The following RABGAP1L variants were observed in gnomAD, a reference collection of about 807,000 sequenced individuals.
The protein encoded by RABGAP1L is rab GTPase-activating protein 1-like.
A neutral mutation model predicts 137.7 loss-of-function variants in RABGAP1L; 63 were observed. That is an observed-to-expected ratio of 0.46 (90% CI 0.37 to 0.56). RABGAP1L has a LOEUF of 0.56. RABGAP1L is among the 20% of genes least tolerant of loss of function. The probability of loss-of-function intolerance (pLI) is 0.00; values close to 1 mark genes in which losing one functional copy is unlikely to be tolerated. For missense variants in RABGAP1L, 1,095 were observed against 1,244.0 expected (o/e 0.88, Z 1.80); for synonymous variants, 431 against 433.7 (o/e 0.99, Z 0.08).
chr1:174,633,012 A>G (rs1160482439), intron 13 of RABGAP1L, among the ~76,000 whole-genome samples: 1 of 152,076 alleles, frequency 6.6e-6, no homozygotes, highest in Non-Finnish European at 1.5e-5. Flanking sequence ...TTTTTTCCCC[A>G]TCTTTGGAAG....
At chr1:174,848,274 A>G (rs1242315658) in intron 19 of RABGAP1L, among the ~76,000 whole-genome samples, 3 of 89,770 alleles carry the variant, frequency 3.3e-5, no homozygotes, top group Non-Finnish European at 6.4e-5. Context: ...CTGGTGAGGA[A>G]CTGCGTTCCT....
At chr1:174,509,678 T>C (rs1470753198) in intron 13 of RABGAP1L, among the ~76,000 whole-genome samples, 6 of 152,192 alleles carry the variant, frequency 3.9e-5, no homozygotes, top group Non-Finnish European at 8.8e-5. Flanking sequence ...TCTCTTGGAC[T>C]CCAAAATTGT....
At chr1:174,590,114 C>A (rs989642794) in intron 13 of RABGAP1L, among the ~76,000 whole-genome samples, 28 of 110,154 alleles carry the variant, frequency 2.5e-4, no homozygotes, top group Non-Finnish European at 4.8e-4. Context: ...TTTGTGACCT[C>A]TTCAGTTTCT....
intron 13 of RABGAP1L, among the ~76,000 whole-genome samples, chr1:174,484,949 G>A (rs1324661005): frequency 6.6e-6 from 1 of 152,104 alleles, no homozygotes; most frequent in East Asian, 1.9e-4. Flanking sequence ...GTGTAATATG[G>A]ACATTTTAAC....
intron 19 of RABGAP1L, among the ~76,000 whole-genome samples, chr1:174,915,292 A>G (rs963167855): frequency 3.3e-5 from 5 of 152,200 alleles, no homozygotes; most frequent in Non-Finnish European, 5.9e-5. Context: ...CCCACCAGTT[A>G]TGTATAAGGA....
At chr1:174,715,715 A>G (rs1036233021) in intron 17 of RABGAP1L, among the ~76,000 whole-genome samples, 2 of 152,228 alleles carry the variant, frequency 1.3e-5, no homozygotes, top group African/African-American at 2.4e-5. Context: ...TCTTTTAAGA[A>G]ATCCTCATTA....
intron 19 of RABGAP1L, among the ~76,000 whole-genome samples, chr1:174,826,721 C>T (rs746315808): frequency 7.2e-5 from 11 of 152,216 alleles, no homozygotes; most frequent in Non-Finnish European, 1.2e-4. Context: ...AATCTCTAAT[C>T]TGTTCACCGC....
At chr1:174,481,827 A>G (rs1191918253) in intron 13 of RABGAP1L, among the ~76,000 whole-genome samples, 1 of 151,722 alleles carries the variant, frequency 6.6e-6, no homozygotes, top group Non-Finnish European at 1.5e-5. Flanking sequence ...ATACATATGT[A>G]ACTAACCTGC....
At chr1:174,527,981 T>A (rs1457896354) in intron 13 of RABGAP1L, among the ~76,000 whole-genome samples, 1 of 151,884 alleles carries the variant, frequency 6.6e-6, no homozygotes, top group Non-Finnish European at 1.5e-5. Context: ...TGCTTCCTTT[T>A]AGTTTCCATT....
intron 15 of RABGAP1L, among the ~76,000 whole-genome samples, chr1:174,686,648 CTTTTTTTTTTT>C (rs533716511): frequency 1.1e-4 from 12 of 105,840 alleles, no homozygotes; most frequent in East Asian, 3.5e-4. Context: ...ACAAAGCAAT[CTTTTTTTTTTT>C]TTTTTTTTTT....
At chr1:174,303,502 A>G (rs751835387) in intron 10 of RABGAP1L, among the ~76,000 whole-genome samples, 8 of 152,158 alleles carry the variant, frequency 5.3e-5, no homozygotes, top group Non-Finnish European at 1.0e-4. Flanking sequence ...AATGTGATGA[A>G]TCTTTGTAAT....
intron 19 of RABGAP1L, among the ~76,000 whole-genome samples, chr1:174,857,829 TAAAAG>T (rs1401640838): frequency 1.3e-5 from 2 of 152,152 alleles, no homozygotes; most frequent in African/African-American, 4.8e-5. Flanking sequence ...CTTCTCAAAA[TAAAAG>T]AAAGTTTTTC....
chr1:174,983,440 C>T (rs140227933), intron 24 of RABGAP1L, among the ~76,000 whole-genome samples: 1 of 152,104 alleles, frequency 6.6e-6, no homozygotes, highest in East Asian at 1.9e-4. Context: ...TATGTTGATG[C>T]TCTATTTGAA....
At chr1:174,778,424 C>T (rs1000943115) in intron 18 of RABGAP1L, among the ~76,000 whole-genome samples, 2 of 152,150 alleles carry the variant, frequency 1.3e-5, no homozygotes, top group Non-Finnish European at 2.9e-5. Flanking sequence ...AATAATACTT[C>T]ACAGAAATAT....
intron 19 of RABGAP1L, among the ~76,000 whole-genome samples, chr1:174,929,995 C>CT (rs1558245251): frequency 1.3e-5 from 2 of 149,548 alleles, no homozygotes; most frequent in African/African-American, 4.9e-5. Context: ...GGACTACAGA[C>CT]AAGTGCCACC....
chr1:174,192,582 A>C (rs918589521), intron 1 of RABGAP1L, among the ~76,000 whole-genome samples: 1 of 152,156 alleles, frequency 6.6e-6, no homozygotes, highest in Non-Finnish European at 1.5e-5. Context: ...TCGGCCTCCC[A>C]AAGTGCTGGG....
At chr1:174,902,065 T>C (rs1338398436) in intron 19 of RABGAP1L, among the ~76,000 whole-genome samples, 1 of 152,056 alleles carries the variant, frequency 6.6e-6, no homozygotes, top group Non-Finnish European at 1.5e-5. Context: ...CACTGGAAGC[T>C]CCATCCTAGG....
At chr1:174,385,273 A>G (rs1270599585) in intron 12 of RABGAP1L, among the ~76,000 whole-genome samples, 2 of 152,198 alleles carry the variant, frequency 1.3e-5, no homozygotes, top group East Asian at 3.9e-4. Flanking sequence ...TGGCCTGAGA[A>G]AAATAAATAA....
At chr1:174,948,671 A>G (rs1667270737) in intron 19 of RABGAP1L, 1 of 152,096 alleles carries the variant, frequency 6.6e-6, no homozygotes, top group Non-Finnish European at 1.5e-5. Context: ...TTAAATTACT[A>G]TGTATCCACA....
Sources: allele counts gnomAD v4.1 joint callset (sites outside exome capture counted in the v4.1 genomes callset), GRCh38; gene constraint gnomAD v4.1.1; transcripts MANE v1.5; gene names NCBI Gene and HGNC (gene_info 2026-07-23, HGNC 2026-07-21).